RXFP1: variants seen among roughly 807,000 people sequenced by gnomAD.
RXFP1 encodes the protein relaxin family peptide receptor 1, also known as relaxin receptor 1.
In RXFP1, 73 loss-of-function variants were observed where a neutral mutation model predicts 89.8. The observed-to-expected ratio is 0.81, with a 90% CI of 0.67 to 0.99. RXFP1 has a LOEUF of 0.99. RXFP1 is among the 50% of genes least tolerant of loss of function. The pLI is 0.00. For synonymous variants in RXFP1, 277 were observed against 305.5 expected, an observed-to-expected ratio of 0.91 and a Z score of 0.97; for missense variants, 793 against 895.5, an observed-to-expected ratio of 0.89 and a Z score of 1.46.
chr4:158,566,748 C>T (rs1340349590), intron 1 of RXFP1, among the ~76,000 whole-genome samples: 4 of 152,260 alleles, frequency 2.6e-5, no homozygotes, highest in African/African-American at 7.2e-5. Flanking sequence ...AAATGTAGAA[C>T]TAATTTCATG....
intron 9 of RXFP1, among the ~76,000 whole-genome samples, chr4:158,623,906 G>T (rs1214304621): frequency 6.6e-6 from 1 of 152,090 alleles, no homozygotes; most frequent in Non-Finnish European, 1.5e-5. Context: ...TGTGATCAGT[G>T]AATATGAAAG....
At chr4:158,615,048 A>C (rs1015115819) in intron 8 of RXFP1, among the ~76,000 whole-genome samples, 1 of 152,014 alleles carries the variant, frequency 6.6e-6, no homozygotes, top group Non-Finnish European at 1.5e-5. Context: ...AGTAGATTTA[A>C]CATAATTCTT....
chr4:158,543,204 C>A (rs1288883816), intron 1 of RXFP1, among the ~76,000 whole-genome samples: 1 of 152,146 alleles, frequency 6.6e-6, no homozygotes, highest in Non-Finnish European at 1.5e-5. Context: ...CTCCTAGGTT[C>A]TTCCTACCTT....
At chr4:158,620,398 G>C (rs1390452817) in intron 9 of RXFP1, among the ~76,000 whole-genome samples, 2 of 152,072 alleles carry the variant, frequency 1.3e-5, no homozygotes, top group Non-Finnish European at 2.9e-5. Flanking sequence ...AGACAAGCTG[G>C]AGAAATAATA....
intron 3 of RXFP1, among the ~76,000 whole-genome samples, chr4:158,596,206 C>G (rs1009590422): frequency 1.3e-5 from 2 of 151,174 alleles, no homozygotes; most frequent in African/African-American, 4.9e-5. Flanking sequence ...TGAATTAAGC[C>G]ATGTTGTCTC....
intron 9 of RXFP1, among the ~76,000 whole-genome samples, chr4:158,622,740 G>A (rs1168422402): frequency 5.9e-5 from 9 of 152,150 alleles, no homozygotes; most frequent in Non-Finnish European, 1.2e-4. Flanking sequence ...AGGTTCAAGG[G>A]TACAAAATTA....
Position 158,633,456 on chromosome 4 carries a change from C to T in RXFP1, c.951C>T (p.Asp317=), listed in dbSNP as rs1202792095. 1.2e-6 allele frequency: 2 copies of T among 1,600,082 alleles called. No individual in the cohort carries two copies. Among genetic ancestry groups the T allele is most frequent in the Non-Finnish European group, 1.7e-6 (2 of 1,170,590 alleles). ...ATCTTCCACCGCTTATATTCAAGGACCTGAAGGAGCTGTCACAATTGTAAG... is the reference window on the plus strand; with the variant it reads ...ATCTTCCACCGCTTATATTCAAGGATCTGAAGGAGCTGTCACAATTGTAAG... The part of the protein sequence containing the change: ...IENLPPLIFK[D]LKELSQLNLS... Residue 317 remains aspartate, a synonymous_variant, in exon 12 of 18, where the codon GAC becomes GAT. Coordinates refer to ENST00000307765, the MANE Select transcript of RXFP1 (RefSeq NM_021634.4).
At chr4:158,577,759 G>T (rs1241467617) in intron 2 of RXFP1, among the ~76,000 whole-genome samples, 1 of 152,064 alleles carries the variant, frequency 6.6e-6, no homozygotes, top group Non-Finnish European at 1.5e-5. Flanking sequence ...GAATTAAACT[G>T]AGTCTCTATA....
intron 2 of RXFP1, among the ~76,000 whole-genome samples, chr4:158,582,730 C>T (rs1205706052): frequency 6.6e-6 from 1 of 152,172 alleles, no homozygotes; most frequent in Non-Finnish European, 1.5e-5. Flanking sequence ...ATGGCCTCTA[C>T]TTAGCAAAGG....
rs184940338 is a variant in RXFP1 at position 158,597,408 on chromosome 4, C to T, written c.287-1918C>T. On this transcript the variant is annotated intron_variant, in intron 3 of 17. Coordinates refer to ENST00000307765, the MANE Select transcript of RXFP1 (RefSeq NM_021634.4). ...CTTACTTAACCATAATTTGACCATTCAGAAGCTACCAGCATTAACTTGCTA... is the reference window on the plus strand; with the variant it reads ...CTTACTTAACCATAATTTGACCATTTAGAAGCTACCAGCATTAACTTGCTA... Among the ~76,000 whole-genome samples, 7 of 152,286 alleles carry T rather than the reference C, an allele frequency of 4.6e-5. No homozygotes were observed. The East Asian group carries it at 1.3e-3, about 29-fold the overall frequency.
chr4:158,524,122 A>G (rs1741868261), intron 1 of RXFP1, among the ~76,000 whole-genome samples: 1 of 152,140 alleles, frequency 6.6e-6, no homozygotes, highest in Non-Finnish European at 1.5e-5. Flanking sequence ...TACAAAAATT[A>G]CTTCCTGAAT....
chr4:158,624,938 A>G (rs539137719), intron 9 of RXFP1, among the ~76,000 whole-genome samples: 4 of 152,282 alleles, frequency 2.6e-5, no homozygotes, highest in South Asian at 2.1e-4. Context: ...TTGTGCCCCA[A>G]TATGTGCCTC....
At position 158,542,100 on chromosome 4, in the gene RXFP1, TATATA is replaced by T. The variant is rs1259848476; in HGVS notation, c.49+20076_49+20080del. On this transcript the variant is annotated intron_variant, in intron 1 of 17. Transcript: ENST00000307765. ...ATGGCTATATATATATATATATATATATATATATATTTTTTTTTTAGTAGAGACAG... is the reference window on the plus strand; with the variant it reads ...ATGGCTATATATATATATATATATATTATATTTTTTTTTTAGTAGAGACAG... Among the ~76,000 whole-genome samples the T allele has an allele frequency of 8.1e-4, 37 of 45,650 alleles. 6 individuals are homozygous for T. Among genetic ancestry groups the T allele is most frequent in the South Asian group, 4.6e-3 (4 of 866 alleles). 29.9% of individuals were successfully genotyped at this position (45,650 alleles called of 152,430 possible).
intron 14 of RXFP1, among the ~76,000 whole-genome samples, chr4:158,642,785 A>T (rs1457407759): frequency 6.6e-6 from 1 of 152,110 alleles, no homozygotes; most frequent in Non-Finnish European, 1.5e-5. Context: ...GCCTCACGCC[A>T]AGGAAATTAA....
At chr4:158,637,273 C>A (rs1769370695) in intron 12 of RXFP1, among the ~76,000 whole-genome samples, 1 of 152,078 alleles carries the variant, frequency 6.6e-6, no homozygotes, top group South Asian at 2.1e-4. Context: ...AGAGGAATTT[C>A]TGGATCATGT....
chr4:158,593,605 C>A (rs1427470147), intron 3 of RXFP1, 106 bp downstream of exon 3: 2 of 595,978 alleles, frequency 3.4e-6, no homozygotes, highest in East Asian at 6.2e-5. Flanking sequence ...ATCTGGAAAT[C>A]AGTTTTAATT....
At chr4:158,541,406 A>T (rs1475136438) in intron 1 of RXFP1, among the ~76,000 whole-genome samples, 2 of 143,684 alleles carry the variant, frequency 1.4e-5, no homozygotes, top group East Asian at 2.0e-4. Flanking sequence ...TTTCATATTT[A>T]CTCAAAAACT....
chr4:158,524,420 A>T (rs1352549832), intron 1 of RXFP1, among the ~76,000 whole-genome samples: 2 of 152,220 alleles, frequency 1.3e-5, no homozygotes, highest in African/African-American at 4.8e-5. Flanking sequence ...TGTTAAAGTA[A>T]GCATGGTCCC....
At chr4:158,547,629 C>A (rs181763501) in intron 1 of RXFP1, among the ~76,000 whole-genome samples, 84 of 152,098 alleles carry the variant, frequency 5.5e-4, no homozygotes, top group African/African-American at 1.9e-3. Flanking sequence ...GAATGCATCC[C>A]AGAGATTCTG....
Sources: allele counts gnomAD v4.1 joint callset (sites outside exome capture counted in the v4.1 genomes callset), GRCh38; gene constraint gnomAD v4.1.1; transcripts MANE v1.5; gene names NCBI Gene and HGNC (gene_info 2026-07-23, HGNC 2026-07-21).